The following ARHGEF10L variants were observed in gnomAD, a reference collection of about 807,000 sequenced individuals.
ARHGEF10L encodes the protein Rho guanine nucleotide exchange factor 10 like.
In ARHGEF10L, 69 loss-of-function variants were observed where a neutral mutation model predicts 141.2. That is an observed-to-expected ratio of 0.49 (90% CI 0.40 to 0.60). ARHGEF10L has a LOEUF of 0.60. Among genes scored for constraint, ARHGEF10L ranks in the 20% least tolerant of loss-of-function variants. The pLI, the probability that ARHGEF10L is intolerant of heterozygous loss-of-function variation, is 0.00. For synonymous variants in ARHGEF10L, 711 were observed against 718.5 expected (o/e 0.99, Z 0.17); for missense variants, 1,482 against 1,734.3 (o/e 0.85, Z 2.58).
At chr1:17,652,812 A>G (rs1195470760) in intron 22 of ARHGEF10L, among the ~76,000 whole-genome samples, 2 of 152,108 alleles carry the variant, frequency 1.3e-5, no homozygotes, top group East Asian at 3.9e-4. Context: ...AGATGCTTTA[A>G]AACTCGAGCA....
At chr1:17,692,985 C>T (rs1203934925) in intron 27 of ARHGEF10L, among the ~76,000 whole-genome samples, 1 of 152,228 alleles carries the variant, frequency 6.6e-6, no homozygotes, top group East Asian at 1.9e-4. Context: ...CCTCCCTATC[C>T]TTCCAGGAAG....
chr1:17,653,731 C>T (rs375198011), intron 22 of ARHGEF10L, among the ~76,000 whole-genome samples: 3 of 152,216 alleles, frequency 2.0e-5, no homozygotes, highest in African/African-American at 7.2e-5. Flanking sequence ...GAGCCCTGAA[C>T]CAGATGTTGA....
In ARHGEF10L at chr1:17,687,611, G is replaced by T. The variant is rs979269931; in HGVS notation, c.3048G>T (p.Val1016=). 14 of 1,613,016 alleles carry T rather than the reference G, an allele frequency of 8.7e-6. No homozygotes were observed. The highest frequency in any genetic ancestry group is 1.1e-5 in the Non-Finnish European group (13 of 1,179,918). ...FEAHQDEAVS[V]THMVKAGSGV... is the part of the protein sequence containing the mutation. ...CGCACCAGGACGAGGCAGTGAGCGT[G>T]ACACACATGGTGAAGGCGGGCAGCG... Residue 1016 remains valine, a synonymous_variant, in exon 27 of 29, where the codon GTG becomes GTT. Transcript: ENST00000361221.
chr1:17,673,642 A>G lies in ARHGEF10L; in HGVS notation c.3009+9047A>G, dbSNP rs1229115647. 1.3e-5 allele frequency among the ~76,000 whole-genome samples: 2 copies of G among 152,322 alleles called. No homozygotes were observed. Among genetic ancestry groups the G allele is most frequent in the Non-Finnish European group, 2.9e-5 (2 of 68,016 alleles). Reference sequence around the variant, plus strand: ...CAGCGGGGTAGCAGGGAAGGTCCACAGGAGGCAACCTCTGCAGGAGGCATT... The same window carrying G: ...CAGCGGGGTAGCAGGGAAGGTCCACGGGAGGCAACCTCTGCAGGAGGCATT... On this transcript the variant is annotated intron_variant, in intron 26 of 28. Transcript: ENST00000361221. This position sits in a 1 kb window ranked among gnomAD's most constrained non-coding sequence, Gnocchi z 4.1.
At chr1:17,595,220 CTTTTTTTTT>C (rs58475060) in intron 4 of ARHGEF10L, among the ~76,000 whole-genome samples, 3 of 106,114 alleles carry the variant, frequency 2.8e-5, no homozygotes, top group Non-Finnish European at 5.8e-5. Context: ...CGTGGCTCAC[CTTTTTTTTT>C]TTTTTTTTTT....
chr1:17,557,367 A>C (rs2077373100), intron 1 of ARHGEF10L, among the ~76,000 whole-genome samples: 2 of 150,914 alleles, frequency 1.3e-5, no homozygotes, highest in African/African-American at 4.9e-5. Flanking sequence ...AAAAAAAACC[A>C]AAAAAAACAA....
At chr1:17,536,941 C>CT (rs1199411194), upstream of ARHGEF10L, among the ~76,000 whole-genome samples, 1 of 152,124 alleles carries the variant, frequency 6.6e-6, no homozygotes, top group African/African-American at 2.4e-5. Flanking sequence ...GGGATCATGG[C>CT]TCACTGCAGC....
rs2080849980 is a variant in ARHGEF10L at position 17,603,145 on chromosome 1, GC to G, written c.350-359del. 6.6e-6 allele frequency among the ~76,000 whole-genome samples: 1 copy of G among 152,076 alleles called. No homozygotes were observed. The highest frequency in any genetic ancestry group is 6.5e-5 in the Admixed American group (1 of 15,272). ...AGCACTGCTCAGTGACGAGGGTCTA[GC>G]CCCGGGGTCCTGGGTGACTGAGGAT... On this transcript the variant is annotated intron_variant, in intron 5 of 28. Coordinates refer to ENST00000361221, the MANE Select transcript of ARHGEF10L (RefSeq NM_018125.4). This position sits in a 1 kb window ranked among gnomAD's most constrained non-coding sequence, Gnocchi z 4.8.
At position 17,641,874 on chromosome 1, in the gene ARHGEF10L, G is replaced by C. The variant is rs189641004; in HGVS notation, c.2272+1572G>C. On this transcript the variant is annotated intron_variant, in intron 21 of 28. Coordinates refer to ENST00000361221, the MANE Select transcript of ARHGEF10L (RefSeq NM_018125.4). Reference sequence around the variant, plus strand: ...CGCATGTCTGTAGTCCCAGCTACTCGAGAGGTTGAGGCAGGAGAATCACTT... The same window carrying C: ...CGCATGTCTGTAGTCCCAGCTACTCCAGAGGTTGAGGCAGGAGAATCACTT... Among the ~76,000 whole-genome samples, 753 of 151,806 alleles carry C rather than the reference G, an allele frequency of 5.0e-3. 4 individuals carry two copies. The highest frequency in any genetic ancestry group is 8.2e-3 in the Non-Finnish European group (560 of 67,962).
At chr1:17,594,356 C>T (rs1250487262) in intron 4 of ARHGEF10L, among the ~76,000 whole-genome samples, 1 of 152,120 alleles carries the variant, frequency 6.6e-6, no homozygotes. Context: ...GCTTCCAGAA[C>T]CTGTGTTCTA....
chr1:17,534,022 C>T, the ARHGEF10L span, among the ~76,000 whole-genome samples: 129 of 151,914 alleles, frequency 8.5e-4, no homozygotes, highest in African/African-American at 2.8e-3. Flanking sequence ...AGTGCAGTGG[C>T]GTGATCTTGG....
intron 2 of ARHGEF10L, among the ~76,000 whole-genome samples, chr1:17,584,076 G>A (rs1018597265): frequency 6.6e-6 from 1 of 151,828 alleles, no homozygotes; most frequent in Non-Finnish European, 1.5e-5. Context: ...ACAGAGTCTC[G>A]CTTTGTCACC....
rs1013403847 is a variant in ARHGEF10L, at chr1:17,639,645, C to T, written c.2172-557C>T. ...CACCTCCCAAAGGGCTGGGAAGGCC[C>T]CCACTGCTCTGAGGTGAGAGGACAG... On this transcript the variant is annotated intron_variant, in intron 20 of 28. Coordinates refer to ENST00000361221, the MANE Select transcript of ARHGEF10L (RefSeq NM_018125.4). This position sits in a 1 kb window ranked among gnomAD's most constrained non-coding sequence, Gnocchi z 4.3. 1.3e-5 allele frequency: 5 copies of T among 382,526 alleles called. No individual in the cohort carries two copies. Among genetic ancestry groups the T allele is most frequent in the African/African-American group, 2.1e-5 (1 of 47,654 alleles). The allele number at this position is 382,526 out of a possible 1,614,324, so 23.7% of individuals were successfully genotyped here.
rs2078090542 is a variant in ARHGEF10L at position 17,573,446 on chromosome 1, G to T, written c.-43-7107G>T. Among the ~76,000 whole-genome samples the T allele has an allele frequency of 6.6e-6, 1 of 152,214 alleles. No individual in the cohort carries two copies. Among genetic ancestry groups the T allele is most frequent in the Non-Finnish European group, 1.5e-5 (1 of 68,034 alleles). Reference sequence around the variant, plus strand: ...CCCTGATGTGGGGCTGAGGGTCTGGGGTTCTCTGGAGAAGAGGGGGGTCAG... The same window carrying T: ...CCCTGATGTGGGGCTGAGGGTCTGGTGTTCTCTGGAGAAGAGGGGGGTCAG... On this transcript the variant is annotated intron_variant, in intron 1 of 28. Transcript: ENST00000361221. This position sits in a 1 kb window ranked among gnomAD's most constrained non-coding sequence, Gnocchi z 4.8.
chr1:17,587,744 C>A, intron 3 of ARHGEF10L, 99 bp downstream of exon 3: 1 of 1,327,350 alleles, frequency 7.5e-7, no homozygotes, highest in Non-Finnish European at 1.0e-6. Flanking sequence ...GGCCCCTCCG[C>A]TGTCCCCAGA....
chr1:17,605,883 C>G (rs2081127447), intron 6 of ARHGEF10L, among the ~76,000 whole-genome samples: 1 of 152,222 alleles, frequency 6.6e-6, no homozygotes, highest in Non-Finnish European at 1.5e-5. Flanking sequence ...CGCAGCTGCT[C>G]CACTCTCTAA....
Position 17,637,919 on chromosome 1 carries a change from C to G in ARHGEF10L, c.1959C>G (p.Phe653Leu), listed in dbSNP as rs1233381496. The change falls in exon 19 of 29, where the codon TTC (phenylalanine) becomes TTG (leucine). Residue 653 changes from phenylalanine (F) to leucine (L), a missense_variant. By Grantham distance (22) the Phe-to-Leu change is conservative (BLOSUM62 0). Around this residue, in one of 3 missense-constraint regions of ARHGEF10L, gnomAD observed 858 missense variants for 966.3 expected, o/e 0.89. Transcript: ENST00000361221. ...NKVYLGPPRL[F>L]QELQDLQKDL... The stretch of plus-strand genomic sequence containing the variant: ...TGTACCTCGGCCCCCCACGCCTCTT[C>G]CAGGAGCTGCAGGACCTGCAGAAGG... 6.3e-7 allele frequency: 1 copy of G among 1,599,640 alleles called. No homozygotes were observed. Among genetic ancestry groups the G allele is most frequent in the Non-Finnish European group, 8.5e-7 (1 of 1,173,132 alleles).
chr1:17,600,760 G>A (rs149562174), intron 4 of ARHGEF10L, among the ~76,000 whole-genome samples: 30 of 152,154 alleles, frequency 2.0e-4, no homozygotes, highest in African/African-American at 7.0e-4. Flanking sequence ...AGAATATTGA[G>A]GAGTGATGTT....
intron 4 of ARHGEF10L, among the ~76,000 whole-genome samples, chr1:17,590,205 G>T (rs1248742271): frequency 6.6e-6 from 1 of 152,178 alleles, no homozygotes; most frequent in Non-Finnish European, 1.5e-5. Flanking sequence ...AGGAGCTCAT[G>T]CGCTGGTCCC....
Sources: allele counts gnomAD v4.1 joint callset (sites outside exome capture counted in the v4.1 genomes callset), GRCh38; gene constraint gnomAD v4.1.1; regional missense constraint gnomAD v4.1.1; non-coding constraint Gnocchi (gnomAD v3.1); transcripts MANE v1.5; gene names NCBI Gene and HGNC (gene_info 2026-07-23, HGNC 2026-07-21).